AXIN1: variants seen among roughly 807,000 people sequenced by gnomAD.
AXIN1 encodes the protein axin 1, also known as axin-1.
Under a neutral mutation model 76.4 loss-of-function variants are expected in AXIN1, and 30 were observed. The ratio of observed to expected loss-of-function variants is 0.39; its 90% CI spans 0.29 to 0.53. AXIN1 has a LOEUF of 0.53. AXIN1 is among the 20% of genes least tolerant of loss of function. The probability of loss-of-function intolerance (pLI) is 0.66; values close to 1 mark genes in which losing one functional copy is unlikely to be tolerated. For synonymous variants in AXIN1, 545 were observed against 501.4 expected (o/e 1.09, Z -1.16); for missense variants, 1,140 against 1,198.8 (o/e 0.95, Z 0.72).
chr16:336,082 A>G (rs1236444685), intron 2 of AXIN1, among the ~76,000 whole-genome samples: 1 of 152,172 alleles, frequency 6.6e-6, no homozygotes, highest in Non-Finnish European at 1.5e-5. Flanking sequence ...TAAAAATACA[A>G]AAATTAGCTG....
rs370476905 is a variant in AXIN1, at chr16:295,833, G to A, written c.1955+1223C>T. On this transcript the variant is annotated intron_variant, in intron 7 of 10. Coordinates refer to ENST00000262320, the MANE Select transcript of AXIN1 (RefSeq NM_003502.4). Reference sequence around the variant, plus strand: ...AATACAAAAATCAGCCGGGCGTGGTGGCTCACGCCTGTAATCCCAGCTACT... The same window carrying A: ...AATACAAAAATCAGCCGGGCGTGGTAGCTCACGCCTGTAATCCCAGCTACT... Among the ~76,000 whole-genome samples, 300 of 152,222 alleles carry A rather than the reference G, an allele frequency of 2.0e-3. 11 individuals are homozygous for A. In the South Asian group the frequency reaches 0.06, roughly 30 times the overall value.
At chr16:326,130 G>A (rs576810713) in intron 2 of AXIN1, among the ~76,000 whole-genome samples, 5 of 151,942 alleles carry the variant, frequency 3.3e-5, no homozygotes, top group African/African-American at 9.7e-5. Flanking sequence ...TGAGGTGGGC[G>A]GATCATGAGG....
rs113371212 is a variant in AXIN1 at position 295,212 on chromosome 16, T to A, written c.1956-1494A>T. Among the ~76,000 whole-genome samples, 5 of 150,848 alleles carry A rather than the reference T, an allele frequency of 3.3e-5. 1 individual carries two copies. Among genetic ancestry groups the A allele is most frequent in the African/African-American group, 1.2e-4 (5 of 41,124 alleles). On this transcript the variant is annotated intron_variant, in intron 7 of 10. Transcript: ENST00000262320. ...TCTCCGCCTCCCAGGTTCAAGCGAC[T>A]CTCCTGCCTCAGCCACCGAGTAGCT...
rs1318379956 is a variant in AXIN1 at position 346,954 on chromosome 16, T to G, written c.72A>C (p.Pro24=). Residue 24 remains proline, a synonymous_variant, in exon 2 of 11, where the codon CCA becomes CCC. Transcript: ENST00000262320. ...CCAGTTCTCCCTCCTCACCAGGCAC[T>G]GGGGGTCGGGGAGCATCTTCGGTGA... ...ASFTEDAPRP[P]VPGEEGELVS... 1.2e-6 allele frequency: 2 copies of G among 1,614,082 alleles called. No homozygotes were observed. Among genetic ancestry groups the G allele is most frequent in the African/African-American group, 2.7e-5 (2 of 74,938 alleles).
intron 9 of AXIN1, 92 bp from the exon 10 acceptor site, chr16:289,699 G>C (rs1205257062): frequency 1.3e-6 from 2 of 1,539,028 alleles, no homozygotes; most frequent in Non-Finnish European, 1.8e-6. Flanking sequence ...TGTAAGGCGG[G>C]GCAGGCCTGC....
chr16:289,531 C>T lies in AXIN1; in HGVS notation c.2371G>A (p.Gly791Arg), dbSNP rs980697628. 8.1e-6 allele frequency: 13 copies of T among 1,612,984 alleles called. No homozygotes were observed. Among genetic ancestry groups the T allele is most frequent in the Non-Finnish European group, 1.0e-5 (12 of 1,180,026 alleles). ...DSIVVAYYFC[G>R]EPIPYRTLVR... ...AGGGTGCGGTAGGGGATGGGTTCCC[C>T]GCAGAAGTAGTACGCCACAACGATG... The change falls in exon 10 of 11, where the codon GGG becomes AGG. Residue 791 changes from glycine to arginine, a missense_variant. Transcript: ENST00000262320.
chr16:328,399 AAAT>A (rs906980969), intron 2 of AXIN1, among the ~76,000 whole-genome samples: 3 of 152,138 alleles, frequency 2.0e-5, no homozygotes, highest in Non-Finnish European at 2.9e-5. Flanking sequence ...TCACTAAAAA[AAAT>A]AATAATAATA....
At position 298,212 on chromosome 16, in the gene AXIN1, G is replaced by A. The variant is rs1164434521; in HGVS notation, c.1294C>T (p.Pro432Ser). Residue 432 changes from proline (P) to serine (S), a missense_variant, in exon 6 of 11, where the codon CCA becomes TCA. Physicochemically the swap from Pro to Ser is moderately conservative, Grantham distance 74. This residue lies in a region of AXIN1 where 708 missense variants were observed against 776.9 expected (regional missense o/e 0.91). Coordinates refer to ENST00000262320, the MANE Select transcript of AXIN1 (RefSeq NM_003502.4). ...GGAGGCAGCTTGTGACACGGCCCTG[G>A]GGGCCCTGACGATGGATCGCCGTCC... ...GEDGDPSSGP[P>S]GPCHKLPPAP... 3.2e-6 allele frequency: 5 copies of A among 1,540,950 alleles called. No individual in the cohort carries two copies. The highest frequency in any genetic ancestry group is 4.4e-6 in the Non-Finnish European group (5 of 1,147,178).
chr16:337,917 T>A (rs1349763216), intron 2 of AXIN1, among the ~76,000 whole-genome samples: 1 of 152,226 alleles, frequency 6.6e-6, no homozygotes, highest in Non-Finnish European at 1.5e-5. Flanking sequence ...GTGACCAGTC[T>A]CCATCTCTCA....
At chr16:309,037 C>T (rs536677865) in intron 4 of AXIN1, among the ~76,000 whole-genome samples, 4 of 152,228 alleles carry the variant, frequency 2.6e-5, no homozygotes, top group Admixed American at 6.5e-5. Context: ...CCTCAGACAC[C>T]GCGGCTAACA....
At chr16:340,791 C>T (rs1392245249) in intron 2 of AXIN1, among the ~76,000 whole-genome samples, 1 of 152,200 alleles carries the variant, frequency 6.6e-6, no homozygotes, top group Admixed American at 6.5e-5. Flanking sequence ...CAGAAAAGGG[C>T]CAGGAATGGA....
chr16:287,971 ACC>A lies in AXIN1; in HGVS notation c.*149_*150del. ...TGTGGACCACTTGGAGGGACCCCCT[ACC>A]TGCCTCTAGACACGGGTAGACCACA... is the stretch of plus-strand genomic sequence containing the variant. On this transcript the variant is annotated 3_prime_UTR_variant, in exon 11 of 11. Coordinates refer to ENST00000262320, the MANE Select transcript of AXIN1 (RefSeq NM_003502.4). 3.0e-6 allele frequency: 4 copies of A among 1,336,690 alleles called. No individual in the cohort carries two copies. In the South Asian group the frequency reaches 4.8e-5, roughly 16 times the overall value. 82.8% of individuals were successfully genotyped at this position (1,336,690 alleles called of 1,614,324 possible). A position where few individuals can be genotyped will look rare whatever the true frequency, so the allele number is the denominator to read the frequency against.
intron 2 of AXIN1, among the ~76,000 whole-genome samples, chr16:317,869 T>C (rs1158858473): frequency 6.6e-6 from 1 of 152,222 alleles, no homozygotes. Flanking sequence ...GTCTCCCTAT[T>C]ACTATGAAGG....
chr16:349,217 T>G (rs1158970029), intron 1 of AXIN1, among the ~76,000 whole-genome samples: 1 of 152,188 alleles, frequency 6.6e-6, no homozygotes, highest in Non-Finnish European at 1.5e-5. Flanking sequence ...GCTAAGGACT[T>G]TTTGTGAACG....
At chr16:332,764 T>C (rs1180130497) in intron 2 of AXIN1, among the ~76,000 whole-genome samples, 1 of 140,544 alleles carries the variant, frequency 7.1e-6, no homozygotes, top group Admixed American at 7.0e-5. Context: ...CAAAAAGAAA[T>C]GCAAAATATA....
intron 7 of AXIN1, among the ~76,000 whole-genome samples, chr16:296,495 G>A (rs898655571): frequency 6.6e-6 from 1 of 152,240 alleles, no homozygotes. Flanking sequence ...GGCCCAGGGG[G>A]CGAGCAGGAG....
chr16:328,011 GGC>G (rs1181560699), intron 2 of AXIN1, among the ~76,000 whole-genome samples: 2 of 152,238 alleles, frequency 1.3e-5, no homozygotes, highest in East Asian at 3.8e-4. Context: ...CACTGTAGGA[GGC>G]TGAGGCAGAA....
rs548297534 is a variant in AXIN1 at position 288,318 on chromosome 16, G to A, written c.2463-70C>T. 88 of 1,593,706 alleles carry A rather than the reference G, an allele frequency of 5.5e-5. No individual in the cohort carries two copies. The African/African-American group carries it at 1.1e-3, about 19-fold the overall frequency. On this transcript the variant is annotated intron_variant, in intron 10 of 10. Transcript: ENST00000262320. ...GATGGGAAGGAGGCCTGTGGCAGGG[G>A]ACGGCGTGTCCACACCCCATCCCGA...
At position 289,572 on chromosome 16, in the gene AXIN1, G is replaced by A; in HGVS notation, c.2330C>T (p.Ala777Val). 3 of 1,612,928 alleles carry A rather than the reference G, an allele frequency of 1.9e-6. No individual in the cohort carries two copies. The highest frequency in any genetic ancestry group is 2.5e-6 in the Non-Finnish European group (3 of 1,179,996). The change falls in exon 10 of 11, where the codon GCC (alanine) becomes GTC (valine). Residue 777 changes from alanine (A) to valine (V), a missense_variant. By Grantham distance (64) the Ala-to-Val change is moderately conservative (BLOSUM62 0). This residue lies in a region of AXIN1 where 429 missense variants were observed against 405.8 expected (regional missense o/e 1.06). Transcript: ENST00000262320. ...CACAACGATGCTGTCACACGGCTGG[G>A]CACTCCCGCCGCCCACCTTCCTCTG... ...RSQRKVGGGS[A>V]QPCDSIVVAY...
Sources: gnomAD v4.1 joint callset for allele counts (sites outside exome capture counted in the v4.1 genomes callset) on GRCh38, gnomAD v4.1.1 for gene constraint, gnomAD v4.1.1 regional missense constraint, MANE v1.5 for transcripts, NCBI Gene and HGNC (gene_info 2026-07-23, HGNC 2026-07-21) for gene names.